The following RASGEF1A variants were observed in gnomAD, a reference collection of about 807,000 sequenced individuals.
The protein encoded by RASGEF1A is ras-GEF domain-containing family member 1A.
In RASGEF1A, 18 loss-of-function variants were observed where a neutral mutation model predicts 56.4. That is an observed-to-expected ratio of 0.32 (90% CI 0.22 to 0.47). The LOEUF is 0.47. Among genes scored for constraint, RASGEF1A ranks in the 20% least tolerant of loss-of-function variants. The probability of loss-of-function intolerance (pLI) is 1.00; values close to 1 mark genes in which losing one functional copy is unlikely to be tolerated. For missense variants in RASGEF1A, 422 were observed against 627.1 expected (o/e 0.67, Z 3.49); for synonymous variants, 245 against 242.6 (o/e 1.01, Z -0.09).
chr10:43,242,502 C>G (rs1040306117), intron 1 of RASGEF1A, among the ~76,000 whole-genome samples: 1 of 152,054 alleles, frequency 6.6e-6, no homozygotes, highest in Admixed American at 6.5e-5. Context: ...CTCCCTCTCC[C>G]TCTCCCTCTC....
intron 1 of RASGEF1A, among the ~76,000 whole-genome samples, chr10:43,228,438 T>C (rs1409102474): frequency 6.6e-6 from 1 of 152,046 alleles, no homozygotes. Context: ...GGCCGTGGGG[T>C]CCACCTGTCT....
At chr10:43,229,781 G>A (rs1211436429) in intron 1 of RASGEF1A, 2 of 1,276,338 alleles carry the variant, frequency 1.6e-6, no homozygotes, top group East Asian at 3.2e-5. Context: ...CTCCGCTGGA[G>A]GGGTGGGACC....
intron 2 of RASGEF1A, chr10:43,203,893 G>A: frequency 1.7e-6 from 1 of 592,352 alleles, no homozygotes; most frequent in African/African-American, 2.0e-5. Context: ...GATCCATGGG[G>A]CGGGGCCTCA....
At chr10:43,217,175 C>T (rs963638299) in intron 1 of RASGEF1A, among the ~76,000 whole-genome samples, 1 of 152,194 alleles carries the variant, frequency 6.6e-6, no homozygotes, top group Non-Finnish European at 1.5e-5. Flanking sequence ...ACTGCACCCT[C>T]AGCTGGTGGA....
intron 1 of RASGEF1A, among the ~76,000 whole-genome samples, chr10:43,254,865 T>C (rs1399711325): frequency 1.3e-5 from 2 of 152,108 alleles, no homozygotes; most frequent in East Asian, 3.8e-4. Context: ...ACACAAGCAA[T>C]GACACCAGTG....
At chr10:43,262,985 C>T (rs1564546318) in intron 1 of RASGEF1A, among the ~76,000 whole-genome samples, 1 of 152,154 alleles carries the variant, frequency 6.6e-6, no homozygotes, top group Non-Finnish European at 1.5e-5. Flanking sequence ...AGCCAGCTGC[C>T]TACCTGCTCA....
intron 1 of RASGEF1A, among the ~76,000 whole-genome samples, chr10:43,260,758 T>C (rs1753173864): frequency 6.6e-6 from 1 of 152,162 alleles, no homozygotes; most frequent in African/African-American, 2.4e-5. Flanking sequence ...CAGCAGGGCA[T>C]GTAGCCCTCG....
chr10:43,202,053 C>A, intron 3 of RASGEF1A, 108 bp from the exon 4 acceptor site: 1 of 1,264,518 alleles, frequency 7.9e-7, no homozygotes. Flanking sequence ...AGGCCCTGTG[C>A]TGGGCACAGC....
chr10:43,217,825 C>G (rs61845676), intron 1 of RASGEF1A, among the ~76,000 whole-genome samples: 14,080 of 152,288 alleles, frequency 0.092, 782 homozygotes, highest in Middle Eastern at 0.17. Flanking sequence ...CCCCAACCAC[C>G]CAGCCAACAC....
chr10:43,211,357 T>A (rs1408941855), intron 1 of RASGEF1A, among the ~76,000 whole-genome samples: 2 of 152,178 alleles, frequency 1.3e-5, no homozygotes, highest in Non-Finnish European at 2.9e-5. Flanking sequence ...TGGCTGGGCC[T>A]CCAGGGTCAC....
chr10:43,230,336 C>G (rs972200222), intron 1 of RASGEF1A, among the ~76,000 whole-genome samples: 2 of 152,096 alleles, frequency 1.3e-5, no homozygotes, highest in African/African-American at 2.4e-5. Flanking sequence ...TGATCCGAGC[C>G]GCAGCGAGGG....
At chr10:43,229,813 G>T in intron 1 of RASGEF1A, 1 of 1,155,480 alleles carries the variant, frequency 8.7e-7, no homozygotes, top group Non-Finnish European at 1.1e-6. Flanking sequence ...GAACCGAGGG[G>T]CTGGGCTGGG....
chr10:43,259,466 G>A (rs2900652), intron 1 of RASGEF1A, among the ~76,000 whole-genome samples: 39,855 of 152,116 alleles, frequency 0.26, 5,698 homozygotes, highest in Non-Finnish European at 0.33. Flanking sequence ...CTGCCTCAGA[G>A]GGAGGCTAGC....
At chr10:43,197,423 C>T (rs1411100285) in intron 10 of RASGEF1A, among the ~76,000 whole-genome samples, 2 of 152,222 alleles carry the variant, frequency 1.3e-5, no homozygotes, top group African/African-American at 2.4e-5. Context: ...CATCCAAACC[C>T]AGCCCAGCGG....
rs114067901 is a variant in RASGEF1A at position 43,229,588 on chromosome 10, G to A, written c.-6-23466C>T. ...TCGCACCCCTCCCGAGCCCGACAGC[G>A]CAAGAACCCTGCCCCGCGGCCTTGC... On this transcript the variant is annotated intron_variant, in intron 1 of 12. Coordinates refer to ENST00000395810, the MANE Select transcript of RASGEF1A (RefSeq NM_145313.4). 2,917 of 1,440,446 alleles carry A rather than the reference G, an allele frequency of 2.0e-3. 47 individuals are homozygous for A. The African/African-American group carries it at 0.037, about 18-fold the overall frequency. The allele number at this position is 1,440,446 out of a possible 1,614,324, so 89.2% of individuals were successfully genotyped here.
intron 1 of RASGEF1A, among the ~76,000 whole-genome samples, chr10:43,216,027 T>A (rs1018257276): frequency 1.3e-5 from 2 of 152,140 alleles, no homozygotes; most frequent in Non-Finnish European, 2.9e-5. Context: ...TGGCAAACCC[T>A]CCCTGGGGCA....
At chr10:43,264,540 G>A (rs74753690) in intron 1 of RASGEF1A, among the ~76,000 whole-genome samples, 1,818 of 151,768 alleles carry the variant, frequency 0.012, 32 homozygotes, top group African/African-American at 0.041. Flanking sequence ...CAGAGGAGCC[G>A]GGAGGCAGGC....
intron 1 of RASGEF1A, chr10:43,209,094 T>C (rs1267275152): frequency 1.2e-5 from 12 of 985,440 alleles, no homozygotes; most frequent in Non-Finnish European, 1.3e-5. Flanking sequence ...CCTGTGTATC[T>C]GAACAGCTGT....
chr10:43,262,936 A>G (rs1836560473), intron 1 of RASGEF1A, among the ~76,000 whole-genome samples: 1 of 152,090 alleles, frequency 6.6e-6, no homozygotes, highest in Non-Finnish European at 1.5e-5. Context: ...CTGGCTGACA[A>G]CTCCAGGCAA....
Sources: allele counts gnomAD v4.1 joint callset (sites outside exome capture counted in the v4.1 genomes callset), GRCh38; gene constraint gnomAD v4.1.1; transcripts MANE v1.5; gene names NCBI Gene and HGNC (gene_info 2026-07-23, HGNC 2026-07-21).